Variants in NIPBL observed in about 807,000 individuals in gnomAD.
The protein encoded by NIPBL is NIPBL cohesin loading factor.
Under a neutral mutation model 321.8 loss-of-function variants are expected in NIPBL, and 19 were observed. The observed-to-expected ratio is 0.06, with a 90% confidence interval of 0.04 to 0.09. The LOEUF is 0.09. Ranked by LOEUF, NIPBL falls within the 10% of genes least tolerant of loss-of-function variation. The pLI, the probability that NIPBL is intolerant of heterozygous loss-of-function variation, is 1.00. For synonymous variants in NIPBL, 1,106 were observed against 1,114.1 expected (o/e 0.99, Z 0.14); for missense variants, 2,210 against 3,327.0 (o/e 0.66, Z 8.26).
At chr5:37,042,756 G>T (rs1390169231) in intron 34 of NIPBL, among the ~76,000 whole-genome samples, 1 of 151,704 alleles carries the variant, frequency 6.6e-6, no homozygotes, top group Non-Finnish European at 1.5e-5. Context: ...AACTCAGGAG[G>T]CGGAGGTTGC....
In NIPBL at chr5:37,036,373, A is replaced by C; in HGVS notation, c.5863-6A>C. On this transcript the variant is annotated splice_polypyrimidine_tract_variant and splice_region_variant and intron_variant, in intron 32 of 46. Coordinates refer to ENST00000282516, the MANE Select transcript of NIPBL (RefSeq NM_133433.4). ...TATATATATATATATATATATGTATATATAGTTGTTGAAGTCCGAAGAGGA... is the reference window on the plus strand; with the variant it reads ...TATATATATATATATATATATGTATCTATAGTTGTTGAAGTCCGAAGAGGA... The C allele has an allele frequency of 1.1e-6, 1 of 920,000 alleles. No individual in the cohort carries two copies. Among genetic ancestry groups the C allele is most frequent in the Non-Finnish European group, 1.5e-6 (1 of 668,470 alleles). The allele number at this position is 920,000 out of a possible 1,614,324, so 57.0% of individuals were successfully genotyped here. A position where few individuals can be genotyped will look rare whatever the true frequency, so the allele number is the denominator to read the frequency against.
At chr5:37,063,345 A>G (rs1395184284) in intron 45 of NIPBL, among the ~76,000 whole-genome samples, 1 of 152,248 alleles carries the variant, frequency 6.6e-6, no homozygotes, top group African/African-American at 2.4e-5. Flanking sequence ...AAATTTTTCA[A>G]CATTCTTTGC....
At chr5:36,975,486 A>C (rs946509574) in intron 8 of NIPBL, among the ~76,000 whole-genome samples, 1 of 152,128 alleles carries the variant, frequency 6.6e-6, no homozygotes, top group Non-Finnish European at 1.5e-5. Flanking sequence ...TATAAAGCTA[A>C]ATATGTATAC....
chr5:37,006,579 C>T lies in NIPBL; in HGVS notation c.4078C>T (p.Pro1360Ser), dbSNP rs1164632614. The T allele has an allele frequency of 8.1e-6, 13 of 1,595,526 alleles. No individual in the cohort carries two copies. Among genetic ancestry groups the T allele is most frequent in the Non-Finnish European group, 1.0e-5 (12 of 1,164,626 alleles). Residue 1360 changes from proline (P) to serine (S), a missense_variant, in exon 17 of 47, where the codon CCT becomes TCT. Physicochemically the swap from Pro to Ser is moderately conservative, Grantham distance 74 (BLOSUM62 -1). Coordinates refer to ENST00000282516, the MANE Select transcript of NIPBL (RefSeq NM_133433.4). Reference protein sequence around the residue: ...PQYDPVYRLDPHGGGLLSSKA... With the variant: ...PQYDPVYRLDSHGGGLLSSKA... ...GTATGATCCTGTTTACAGATTAGAT[C>T]CTCATGGAGGTTAGTTCGTATAATA...
At chr5:36,885,854 G>T in intron 1 of NIPBL, 1 of 711,760 alleles carries the variant, frequency 1.4e-6, no homozygotes, top group South Asian at 1.4e-5. Flanking sequence ...GGAGAACCAC[G>T]AAGAGGAAGT....
chr5:36,978,375 G>A (rs1211482253), intron 9 of NIPBL, among the ~76,000 whole-genome samples: 1 of 151,970 alleles, frequency 6.6e-6, no homozygotes, highest in Non-Finnish European at 1.5e-5. Context: ...TAAAATGTTT[G>A]TTGGCTGTGT....
intron 10 of NIPBL, among the ~76,000 whole-genome samples, chr5:36,986,653 A>G (rs1308390365): frequency 6.6e-6 from 1 of 152,210 alleles, no homozygotes; most frequent in African/African-American, 2.4e-5. Context: ...TCTCTATTTA[A>G]AAATGTCTTA....
chr5:36,943,593 A>G (rs189444502), intron 1 of NIPBL, among the ~76,000 whole-genome samples: 19 of 152,154 alleles, frequency 1.2e-4, no homozygotes, highest in Admixed American at 7.2e-4. Flanking sequence ...GAGGGAATAA[A>G]TTTGTACTAA....
chr5:37,044,451 A>G lies in NIPBL; in HGVS notation c.6213A>G (p.Glu2071=). 2 of 1,614,016 alleles carry G rather than the reference A, an allele frequency of 1.2e-6. No individual in the cohort carries two copies. Among genetic ancestry groups the G allele is most frequent in the Middle Eastern group, 1.7e-4 (1 of 6,058 alleles). Residue 2071 remains glutamate (E), a synonymous_variant, in exon 35 of 47, where the codon GAA becomes GAG. Transcript: ENST00000282516. ...PSETFLATIE[E]DLMKLIIKYG... Reference sequence around the variant, plus strand: ...AAACTTTTCTTGCCACTATTGAGGAAGATCTAATGAAGCTCATCATCAAAT... The same window carrying G: ...AAACTTTTCTTGCCACTATTGAGGAGGATCTAATGAAGCTCATCATCAAAT...
rs1001392225 is a variant in NIPBL at position 37,020,635 on chromosome 5, C to T, written c.5187C>T (p.Ser1729=). 1.9e-6 allele frequency: 3 copies of T among 1,614,090 alleles called. No individual in the cohort carries two copies. Among genetic ancestry groups the T allele is most frequent in the Non-Finnish European group, 2.5e-6 (3 of 1,180,012 alleles). ...RAENRKKFLR[S]IIKTTPSQFS... The stretch of plus-strand genomic sequence containing the variant: ...AAAACCGAAAAAAGTTTCTTAGAAG[C>T]ATTATCAAAACCACACCTTCTCAGT... The change falls in exon 26 of 47, where the codon AGC becomes AGT. Residue 1729 remains serine, a synonymous_variant. Coordinates refer to ENST00000282516, the MANE Select transcript of NIPBL (RefSeq NM_133433.4).
At chr5:36,904,256 G>T (rs1266303840) in intron 1 of NIPBL, among the ~76,000 whole-genome samples, 1 of 152,228 alleles carries the variant, frequency 6.6e-6, no homozygotes, top group Non-Finnish European at 1.5e-5. Context: ...TGATCACAAG[G>T]TCAGGAGTTT....
At chr5:36,886,772 A>G (rs191825033) in intron 1 of NIPBL, among the ~76,000 whole-genome samples, 1 of 151,776 alleles carries the variant, frequency 6.6e-6, no homozygotes, top group Admixed American at 6.6e-5. Context: ...CTTTGTAATC[A>G]GTTTCCTGCT....
At chr5:37,006,726 A>T (rs1747476526) in intron 17 of NIPBL, 138 bp downstream of exon 17, 2 of 611,254 alleles carry the variant, frequency 3.3e-6, no homozygotes, top group Non-Finnish European at 5.8e-6. Context: ...TTTGACTAGA[A>T]TATAGTACTT....
chr5:36,899,994 T>C (rs774943585), intron 1 of NIPBL, among the ~76,000 whole-genome samples: 1 of 152,212 alleles, frequency 6.6e-6, no homozygotes, highest in Non-Finnish European at 1.5e-5. Flanking sequence ...AAGTCTTCGC[T>C]AAAGCCTTTA....
chr5:36,990,088 C>T (rs1027988398), intron 10 of NIPBL, among the ~76,000 whole-genome samples: 6 of 151,830 alleles, frequency 4.0e-5, no homozygotes, highest in South Asian at 2.1e-4. Flanking sequence ...AAGAAATATC[C>T]GTATTATTTG....
At chr5:37,004,221 C>T (rs1454266824) in intron 16 of NIPBL, among the ~76,000 whole-genome samples, 1 of 152,236 alleles carries the variant, frequency 6.6e-6, no homozygotes, top group East Asian at 1.9e-4. Flanking sequence ...AACATGCTTG[C>T]AATGGTTTAT....
At chr5:36,914,077 C>T (rs292196) in intron 1 of NIPBL, among the ~76,000 whole-genome samples, 21,486 of 152,114 alleles carry the variant, frequency 0.14, 1,882 homozygotes, top group East Asian at 0.31. Context: ...CATTAGTCCT[C>T]CACGGTGACC....
chr5:36,960,237 T>C (rs1046242778), intron 4 of NIPBL, among the ~76,000 whole-genome samples: 2 of 152,152 alleles, frequency 1.3e-5, no homozygotes, highest in African/African-American at 4.8e-5. Flanking sequence ...GAATTTCATT[T>C]ACCCGTTTTA....
intron 6 of NIPBL, among the ~76,000 whole-genome samples, chr5:36,964,972 G>A (rs531092389): frequency 2.6e-5 from 4 of 152,216 alleles, no homozygotes; most frequent in Admixed American, 2.0e-4. Flanking sequence ...AAAAAGCACA[G>A]TGAAATATTA....
Sources: gnomAD v4.1 joint callset for allele counts (sites outside exome capture counted in the v4.1 genomes callset) on GRCh38, gnomAD v4.1.1 for gene constraint, MANE v1.5 for transcripts, NCBI Gene and HGNC (gene_info 2026-07-23, HGNC 2026-07-21) for gene names.